MID1: variants seen among roughly 807,000 people sequenced by gnomAD.
MID1 encodes midline 1.
Under a neutral mutation model 40.4 loss-of-function variants are expected in MID1, and 7 were observed. The observed-to-expected ratio is 0.17, with a 90% CI of 0.10 to 0.33. The LOEUF (loss-of-function observed/expected upper bound fraction) is 0.33, where lower values mean the gene tolerates loss of function less well. Among genes scored for constraint, MID1 ranks in the 10% least tolerant of loss-of-function variants. MID1 has a pLI of 1.00. For missense variants in MID1, 367 were observed against 558.5 expected, an observed-to-expected ratio of 0.66 and a Z score of 3.46; for synonymous variants, 229 against 221.2, an observed-to-expected ratio of 1.04 and a Z score of -0.31.
intron 1 of MID1, among the ~76,000 whole-genome samples, chrX:10,832,140 T>A (rs986207479): frequency 1.8e-5 from 2 of 112,790 alleles, no homozygotes; most frequent in Non-Finnish European, 3.7e-5. Flanking sequence ...GAATTTTATT[T>A]ACTAAAGTGT....
chrX:10,484,893 T>C (rs1419276199), intron 4 of MID1, among the ~76,000 whole-genome samples: 1 of 111,678 alleles, frequency 9.0e-6, no homozygotes, highest in Non-Finnish European at 1.9e-5. Flanking sequence ...AAAAGGCAAG[T>C]TGGGTTTTGT....
chrX:10,691,741 T>C (rs1222541785), intron 1 of MID1, among the ~76,000 whole-genome samples: 1 of 111,769 alleles, frequency 8.9e-6, no homozygotes, highest in Non-Finnish European at 1.9e-5. Flanking sequence ...AACCATAAGG[T>C]CTGGCTGCCT....
intron 1 of MID1, among the ~76,000 whole-genome samples, chrX:10,660,419 T>TC (rs1202765191): frequency 1.8e-5 from 2 of 112,162 alleles, no homozygotes; most frequent in Non-Finnish European, 3.8e-5. Context: ...CTGGGGCCTT[T>TC]CCCCCTTGAC....
At chrX:10,613,868 G>C (rs1174789878) in intron 1 of MID1, among the ~76,000 whole-genome samples, 1 of 104,779 alleles carries the variant, frequency 9.5e-6, no homozygotes, top group African/African-American at 3.5e-5. Context: ...CATAACCTAT[G>C]CTAATTTTCT....
At chrX:10,642,820 A>G (rs1442800057) in intron 1 of MID1, among the ~76,000 whole-genome samples, 1 of 110,593 alleles carries the variant, frequency 9.0e-6, no homozygotes, top group African/African-American at 3.3e-5. Flanking sequence ...ACAGAGATAT[A>G]GACCAATGGA....
intron 1 of MID1, among the ~76,000 whole-genome samples, chrX:10,594,241 G>C (rs753791405): frequency 1.1e-4 from 12 of 111,621 alleles, no homozygotes; most frequent in Non-Finnish European, 1.9e-4. Flanking sequence ...ATATATTTTA[G>C]ATCTCAATCT....
intron 1 of MID1, among the ~76,000 whole-genome samples, chrX:10,772,685 TTAAA>T (rs1946793687): frequency 1.8e-5 from 2 of 110,582 alleles, no homozygotes; most frequent in African/African-American, 3.3e-5. Context: ...AAATAAGAAT[TTAAA>T]TAACAATTGA....
At chrX:10,633,884 G>C (rs1245321196) in intron 1 of MID1, among the ~76,000 whole-genome samples, 1 of 111,446 alleles carries the variant, frequency 9.0e-6, no homozygotes, top group Admixed American at 9.6e-5. Context: ...CCCAATACTC[G>C]TTGCCTAAGA....
chrX:10,745,338 T>C (rs2043550546), intron 1 of MID1, among the ~76,000 whole-genome samples: 1 of 112,020 alleles, frequency 8.9e-6, no homozygotes, highest in Admixed American at 9.4e-5. Context: ...CCCACCTCAT[T>C]TGTTAACTGA....
chrX:10,816,022 T>C (rs964159827), intron 1 of MID1, among the ~76,000 whole-genome samples: 1 of 111,917 alleles, frequency 8.9e-6, no homozygotes, highest in African/African-American at 3.3e-5. Context: ...ACTCTCAGGC[T>C]TCATTCTCAG....
chrX:10,581,832 C>A lies in MID1; in HGVS notation c.-56-14229G>T, dbSNP rs151213255. On this transcript the variant is annotated intron_variant, in intron 1 of 9. Coordinates refer to ENST00000317552, the MANE Select transcript of MID1 (RefSeq NM_000381.4). Reference sequence around the variant, plus strand: ...TACCTCTGTTCATTACCACTGATCTCCCACCATGAACTTGGGGCTTCACTT... The same window carrying A: ...TACCTCTGTTCATTACCACTGATCTACCACCATGAACTTGGGGCTTCACTT... 6.2e-3 allele frequency among the ~76,000 whole-genome samples: 687 copies of A among 111,687 alleles called. 8 individuals are homozygous for A. The highest frequency in any genetic ancestry group is 0.021 in the African/African-American group (648 of 30,741).
In MID1 at chrX:10,823,657, T is replaced by C. The variant is rs1283424398; in HGVS notation, c.-187+9897A>G. ...GCGTGTGTATAATACATATATAATA[T>C]ATATAAATAAAATGTACATAGAAAT... On this transcript the variant is annotated intron_variant, in intron 1 of 10. Coordinates refer to the MID1 transcript ENST00000380785. Among the ~76,000 whole-genome samples the C allele has an allele frequency of 6.3e-5, 7 of 110,367 alleles. No individual in the cohort carries two copies. The East Asian group carries it at 2.0e-3, about 31-fold the overall frequency.
At chrX:10,580,196 C>A (rs1234507739) in intron 1 of MID1, among the ~76,000 whole-genome samples, 1 of 103,125 alleles carries the variant, frequency 9.7e-6, no homozygotes, top group Non-Finnish European at 2.0e-5. Context: ...ATGCCCCCCC[C>A]CGCCCCGCCC....
chrX:10,627,814 G>A (rs1334643829), intron 1 of MID1, among the ~76,000 whole-genome samples: 10 of 111,988 alleles, frequency 8.9e-5, no homozygotes, highest in Admixed American at 4.7e-4. Context: ...TAAGCATGTG[G>A]ACATAAGGAG....
At chrX:10,677,755 A>C (rs2043032455) in intron 1 of MID1, 1 of 111,636 alleles carries the variant, frequency 9.0e-6, no homozygotes, top group South Asian at 3.8e-4. Flanking sequence ...TGACGGTTTG[A>C]TGGATGAGTT....
intron 1 of MID1, among the ~76,000 whole-genome samples, chrX:10,583,960 G>A (rs1333779080): frequency 1.8e-5 from 2 of 109,808 alleles, no homozygotes; most frequent in African/African-American, 3.3e-5. Flanking sequence ...GAACCCGGGC[G>A]GCAGAGGTTG....
chrX:10,828,245 A>G (rs2044228568), intron 1 of MID1, among the ~76,000 whole-genome samples: 1 of 111,969 alleles, frequency 8.9e-6, no homozygotes, highest in Admixed American at 9.5e-5. Flanking sequence ...CTTAGCAAAG[A>G]GTGAACTCTT....
intron 1 of MID1, among the ~76,000 whole-genome samples, chrX:10,630,548 C>T (rs1350805306): frequency 2.8e-5 from 3 of 108,151 alleles, no homozygotes; most frequent in Non-Finnish European, 5.7e-5. Flanking sequence ...GGGGCGGGGG[C>T]AGTGGTTGTG....
rs2043752215 is a variant in MID1 at position 10,769,604 on chromosome X, A to G, written c.-187+63950T>C. 7.1e-5 allele frequency among the ~76,000 whole-genome samples: 8 copies of G among 112,140 alleles called. No individual in the cohort carries two copies. The South Asian group carries it at 3.0e-3, about 42-fold the overall frequency. The stretch of plus-strand genomic sequence containing the variant: ...ACACAAGAACTGAAAAATACCTTCA[A>G]TTTGGCTTGGCCATCAACAAACACA... On this transcript the variant is annotated intron_variant, in intron 1 of 10. Transcript: ENST00000380785.
Sources: allele counts gnomAD v4.1 joint callset (sites outside exome capture counted in the v4.1 genomes callset), GRCh38; gene constraint gnomAD v4.1.1; transcripts MANE v1.5; gene names NCBI Gene and HGNC (gene_info 2026-07-23, HGNC 2026-07-21).